ELMO1: variants seen among roughly 807,000 people sequenced by gnomAD.
The protein encoded by ELMO1 is engulfment and cell motility protein 1.
A neutral mutation model predicts 98.9 loss-of-function variants in ELMO1; 26 were observed. The ratio of observed to expected loss-of-function variants is 0.26; its 90% CI spans 0.19 to 0.36. ELMO1 has a LOEUF of 0.36. Ranked by LOEUF, ELMO1 falls within the 10% of genes least tolerant of loss-of-function variation. ELMO1 has a pLI of 1.00. For synonymous variants in ELMO1, 346 were observed against 346.0 expected (o/e 1.00, Z 0.00); for missense variants, 627 against 935.2 (o/e 0.67, Z 4.30).
chr7:37,197,668 G>A (rs1424789165), intron 13 of ELMO1, among the ~76,000 whole-genome samples: 1 of 152,200 alleles, frequency 6.6e-6, no homozygotes, highest in Non-Finnish European at 1.5e-5. Context: ...GCAGGTAACT[G>A]GATCACAGGA....
chr7:37,308,358 G>A (rs1350055942), intron 4 of ELMO1, among the ~76,000 whole-genome samples: 1 of 152,126 alleles, frequency 6.6e-6, no homozygotes, highest in Non-Finnish European at 1.5e-5. Flanking sequence ...AAAAAGCCTT[G>A]ACAATCAGGG....
intron 1 of ELMO1, among the ~76,000 whole-genome samples, chr7:37,417,370 T>A (rs1465901988): frequency 1.3e-5 from 2 of 152,106 alleles, no homozygotes; most frequent in Non-Finnish European, 1.5e-5. Context: ...ACTAAAAAAA[T>A]GCAAAAATTG....
intron 16 of ELMO1, among the ~76,000 whole-genome samples, chr7:36,962,351 T>G (rs893396379): frequency 4.6e-5 from 7 of 152,154 alleles, no homozygotes; most frequent in Admixed American, 4.6e-4. Context: ...TTGGACCGAT[T>G]AAAAACTTTG....
chr7:37,059,666 G>A (rs1208292507), intron 15 of ELMO1, among the ~76,000 whole-genome samples: 1 of 152,162 alleles, frequency 6.6e-6, no homozygotes, highest in Non-Finnish European at 1.5e-5. Context: ...TCATGTGCAG[G>A]AGGCCCCAGA....
At chr7:37,278,536 A>T (rs34429306) in intron 4 of ELMO1, among the ~76,000 whole-genome samples, 10,467 of 152,124 alleles carry the variant, frequency 0.069, 519 homozygotes, top group Non-Finnish European at 0.11. Context: ...CACTAACAAT[A>T]AAACAGAGCC....
chr7:37,103,412 C>T (rs904479119), intron 14 of ELMO1, among the ~76,000 whole-genome samples: 27 of 150,780 alleles, frequency 1.8e-4, no homozygotes, highest in Non-Finnish European at 2.8e-4. Flanking sequence ...AGCAAACTAT[C>T]GCAAGGACAA....
At chr7:37,154,463 G>T (rs948641000) in intron 13 of ELMO1, among the ~76,000 whole-genome samples, 2 of 152,186 alleles carry the variant, frequency 1.3e-5, no homozygotes, top group African/African-American at 4.8e-5. Context: ...GTGTAGAGAA[G>T]AGCTTAAATG....
intron 13 of ELMO1, among the ~76,000 whole-genome samples, chr7:37,205,983 C>G (rs1792593166): frequency 6.6e-6 from 1 of 152,100 alleles, no homozygotes; most frequent in Non-Finnish European, 1.5e-5. Flanking sequence ...GATAAATGAC[C>G]TGCAGTTTCC....
At chr7:37,420,146 T>C (rs1254735895) in intron 1 of ELMO1, among the ~76,000 whole-genome samples, 1 of 152,166 alleles carries the variant, frequency 6.6e-6, no homozygotes, top group Non-Finnish European at 1.5e-5. Flanking sequence ...GTGCTCTCAG[T>C]ACCAATAGCC....
intron 1 of ELMO1, among the ~76,000 whole-genome samples, chr7:37,348,336 G>T (rs924506831): frequency 3.3e-5 from 5 of 152,132 alleles, no homozygotes; most frequent in African/African-American, 1.2e-4. Context: ...GTCTAGGCAG[G>T]TGGCTAGACA....
chr7:37,057,058 A>G (rs1796425685), intron 15 of ELMO1, among the ~76,000 whole-genome samples: 1 of 152,228 alleles, frequency 6.6e-6, no homozygotes, highest in South Asian at 2.1e-4. Flanking sequence ...AATATAGAAA[A>G]GATGAGGAAG....
intron 5 of ELMO1, 90 bp from the exon 6 acceptor site, chr7:37,259,440 A>G: frequency 1.4e-6 from 2 of 1,447,214 alleles, no homozygotes; most frequent in Non-Finnish European, 1.9e-6. Flanking sequence ...CAGAGATACA[A>G]AAGCCAAAAG....
intron 13 of ELMO1, among the ~76,000 whole-genome samples, chr7:37,169,756 A>G (rs1584756900): frequency 6.6e-6 from 1 of 152,380 alleles, no homozygotes; most frequent in African/African-American, 2.4e-5. Flanking sequence ...AAACCCAATC[A>G]TCACACTTAG....
chr7:37,432,596 T>C (rs1244137080), intron 1 of ELMO1, among the ~76,000 whole-genome samples: 1 of 152,152 alleles, frequency 6.6e-6, no homozygotes, highest in Non-Finnish European at 1.5e-5. Flanking sequence ...GCTAGAAAAA[T>C]AATATGCAAT....
At chr7:37,288,962 A>C (rs1268843289) in intron 4 of ELMO1, among the ~76,000 whole-genome samples, 1 of 151,930 alleles carries the variant, frequency 6.6e-6, no homozygotes, top group Admixed American at 6.6e-5. Context: ...GGGCTGTCCT[A>C]CTCCATTTTC....
chr7:37,033,350 C>G (rs752507401), intron 15 of ELMO1: 7 of 454,924 alleles, frequency 1.5e-5, no homozygotes, highest in South Asian at 9.3e-5. Flanking sequence ...TACTTACCTC[C>G]GAGACACACT....
At chr7:36,921,083 T>A (rs1584374100) in intron 16 of ELMO1, among the ~76,000 whole-genome samples, 1 of 152,240 alleles carries the variant, frequency 6.6e-6, no homozygotes, top group Middle Eastern at 3.4e-3. Context: ...CAAGAAGGCA[T>A]CATCTATGGA....
At chr7:37,303,401 T>C (rs1028402225) in intron 4 of ELMO1, among the ~76,000 whole-genome samples, 1 of 152,182 alleles carries the variant, frequency 6.6e-6, no homozygotes, top group East Asian at 1.9e-4. Context: ...CACAAAAATA[T>C]ACACAGTGTA....
intron 8 of ELMO1, among the ~76,000 whole-genome samples, chr7:37,229,642 C>G (rs1374733809): frequency 7.9e-5 from 12 of 152,018 alleles, no homozygotes; most frequent in Non-Finnish European, 1.8e-4. Flanking sequence ...AAGACAGTTG[C>G]CTGCATACAA....
Sources: gnomAD v4.1 joint callset for allele counts (sites outside exome capture counted in the v4.1 genomes callset) on GRCh38, gnomAD v4.1.1 for gene constraint, MANE v1.5 for transcripts, NCBI Gene and HGNC (gene_info 2026-07-23, HGNC 2026-07-21) for gene names.